PUM2: variants seen among roughly 807,000 people sequenced by gnomAD.
PUM2 encodes the protein pumilio homolog 2.
In PUM2, 57 loss-of-function variants were observed where a neutral mutation model predicts 124.5. The ratio of observed to expected loss-of-function variants is 0.46; its 90% CI spans 0.37 to 0.57. The LOEUF is 0.57. Ranked by LOEUF, PUM2 falls within the 20% of genes least tolerant of loss-of-function variation. PUM2 has a pLI of 0.00. For missense variants in PUM2, 1,065 were observed against 1,290.6 expected (o/e 0.83, Z 2.68); for synonymous variants, 460 against 446.1 (o/e 1.03, Z -0.39).
intron 13 of PUM2, among the ~76,000 whole-genome samples, chr2:20,276,322 A>G (rs1392683623): frequency 1.3e-5 from 2 of 151,752 alleles, no homozygotes; most frequent in Admixed American, 6.6e-5. Context: ...GTGAATCTCA[A>G]ATAACTAACA....
intron 1 of PUM2, among the ~76,000 whole-genome samples, chr2:20,331,206 G>A (rs1423175769): frequency 1.3e-5 from 2 of 151,634 alleles, no homozygotes; most frequent in Non-Finnish European, 2.9e-5. Flanking sequence ...GGGAATAGAA[G>A]GAACGAAAGG....
At chr2:20,256,348 T>C (rs568228520) in intron 16 of PUM2, among the ~76,000 whole-genome samples, 178 bp from the exon 17 acceptor site, 3 of 152,216 alleles carry the variant, frequency 2.0e-5, no homozygotes, top group African/African-American at 7.2e-5. Context: ...TTGTCAAGGG[T>C]TTAAATTTTT....
At chr2:20,286,517 T>A (rs746505546) in intron 10 of PUM2, among the ~76,000 whole-genome samples, 1 of 152,242 alleles carries the variant, frequency 6.6e-6, no homozygotes, top group Non-Finnish European at 1.5e-5. Flanking sequence ...TTCCTGTTAT[T>A]GGTTATTTAT....
intron 13 of PUM2, among the ~76,000 whole-genome samples, chr2:20,269,752 C>T (rs976487158): frequency 3.3e-5 from 5 of 152,076 alleles, no homozygotes; most frequent in Admixed American, 6.6e-5. Context: ...CTGTTGTTTC[C>T]GTTTCTATTG....
intron 9 of PUM2, among the ~76,000 whole-genome samples, chr2:20,292,356 A>G (rs865792174): frequency 1.3e-5 from 2 of 151,272 alleles, no homozygotes; most frequent in South Asian, 4.2e-4. Flanking sequence ...CAAAATCTTA[A>G]GACTTTAAAA....
At chr2:20,336,679 ATT>A (rs1686099218) in intron 1 of PUM2, among the ~76,000 whole-genome samples, 1 of 59,448 alleles carries the variant, frequency 1.7e-5, no homozygotes. Flanking sequence ...GGCCTGGCTA[ATT>A]TGTGTGTGTG....
intron 1 of PUM2, among the ~76,000 whole-genome samples, chr2:20,348,498 T>C (rs1010575601): frequency 6.6e-6 from 1 of 152,266 alleles, no homozygotes; most frequent in Non-Finnish European, 1.5e-5. Flanking sequence ...TGTTAGGGTC[T>C]ATAAAAAGGA....
chr2:20,257,665 A>G (rs1423340374), intron 16 of PUM2, among the ~76,000 whole-genome samples: 1 of 152,198 alleles, frequency 6.6e-6, no homozygotes, highest in Non-Finnish European at 1.5e-5. Context: ...ATTTCAAATG[A>G]TTTTAAGCAT....
At chr2:20,301,824 CA>C (rs1384386032) in intron 7 of PUM2, among the ~76,000 whole-genome samples, 1 of 152,178 alleles carries the variant, frequency 6.6e-6, no homozygotes, top group Admixed American at 6.5e-5. Flanking sequence ...GCAATCCACC[CA>C]ACTTGACCTC....
chr2:20,251,492 G>T lies in PUM2; in HGVS notation c.*93C>A. ...AATAGTTTTGCTTTAAAAAAAAATT[G>T]AAGATTCATAGTTGAGTTGTGTTTT... On this transcript the variant is annotated 3_prime_UTR_variant, in exon 21 of 21. Coordinates refer to ENST00000361078, the MANE Select transcript of PUM2 (RefSeq NM_015317.5). 56 of 1,345,948 alleles carry T rather than the reference G, an allele frequency of 4.2e-5. No homozygotes were observed. The highest frequency in any genetic ancestry group is 1.9e-4 in the Middle Eastern group (1 of 5,160). The allele number at this position is 1,345,948 out of a possible 1,614,324, so 83.4% of individuals were successfully genotyped here.
At chr2:20,304,182 CT>C (rs1156475535) in intron 7 of PUM2, among the ~76,000 whole-genome samples, 1 of 152,182 alleles carries the variant, frequency 6.6e-6, no homozygotes, top group Non-Finnish European at 1.5e-5. Context: ...AAAGCCTGAA[CT>C]GCATAGGCCC....
intron 1 of PUM2, among the ~76,000 whole-genome samples, chr2:20,345,036 A>T (rs556136559): frequency 6.6e-6 from 1 of 150,420 alleles, no homozygotes; most frequent in Non-Finnish European, 1.5e-5. Context: ...CTCTTGTGGA[A>T]AGCTTTTCCT....
At chr2:20,257,442 G>A (rs902794515) in intron 16 of PUM2, among the ~76,000 whole-genome samples, 11 of 152,026 alleles carry the variant, frequency 7.2e-5, no homozygotes. Flanking sequence ...TACCTTTTAA[G>A]AAATAATTAT....
At chr2:20,322,776 T>C (rs1558644069) in intron 2 of PUM2, among the ~76,000 whole-genome samples, 1 of 151,910 alleles carries the variant, frequency 6.6e-6, no homozygotes, top group Admixed American at 6.6e-5. Context: ...GCACTCCAGC[T>C]TGGGCCACAG....
At chr2:20,276,733 G>C (rs1244969611) in intron 13 of PUM2, among the ~76,000 whole-genome samples, 3 of 151,942 alleles carry the variant, frequency 2.0e-5, no homozygotes, top group Non-Finnish European at 4.4e-5. Context: ...GTCTGGCATG[G>C]GTCTATTTGT....
chr2:20,298,792 T>C (rs1452586220), intron 7 of PUM2, among the ~76,000 whole-genome samples: 1 of 152,118 alleles, frequency 6.6e-6, no homozygotes, highest in East Asian at 1.9e-4. Context: ...TGAGCCGAGA[T>C]AACGCCACTG....
intron 1 of PUM2, among the ~76,000 whole-genome samples, chr2:20,338,375 C>T (rs1013017134): frequency 2.0e-5 from 3 of 152,056 alleles, no homozygotes; most frequent in African/African-American, 4.8e-5. Flanking sequence ...CCAGCCTGGG[C>T]GACAGAGCAA....
chr2:20,296,133 T>C (rs1469788786), intron 8 of PUM2, among the ~76,000 whole-genome samples: 5 of 152,226 alleles, frequency 3.3e-5, no homozygotes, highest in African/African-American at 1.2e-4. Flanking sequence ...AGTTTCATTG[T>C]CGTAGCTAAG....
intron 1 of PUM2, among the ~76,000 whole-genome samples, chr2:20,336,245 G>A (rs1273132074): frequency 2.0e-5 from 3 of 151,880 alleles, no homozygotes; most frequent in Non-Finnish European, 4.4e-5. Context: ...GGAGTGCAGT[G>A]GCATTGATTA....
Sources: allele counts gnomAD v4.1 joint callset (sites outside exome capture counted in the v4.1 genomes callset), GRCh38; gene constraint gnomAD v4.1.1; transcripts MANE v1.5; gene names NCBI Gene and HGNC (gene_info 2026-07-23, HGNC 2026-07-21).